Variants in TMEM219 observed in about 807,000 individuals in gnomAD.
The protein encoded by TMEM219 is insulin-like growth factor-binding protein 3 receptor.
Under a neutral mutation model 17.9 loss-of-function variants are expected in TMEM219, and 18 were observed. That is an observed-to-expected ratio of 1.01 (90% confidence interval 0.70 to 1.49). The LOEUF is 1.49. TMEM219 is among the 40% of genes most tolerant of loss of function. The pLI, the probability that TMEM219 is intolerant of heterozygous loss-of-function variation, is 0.00. For synonymous variants in TMEM219, 113 were observed against 124.0 expected (o/e 0.91, Z 0.59); for missense variants, 288 against 292.4 (o/e 0.99, Z 0.11).
At chr16:29,963,070 C>T (rs190173389) in intron 1 of TMEM219, 37 bp from the exon 2 acceptor site, 26 of 1,530,216 alleles carry the variant, frequency 1.7e-5, no homozygotes, top group South Asian at 1.6e-4. Context: ...TGCGTAAAAG[C>T]GGTGCTCTTG....
chr16:29,966,822 T>TAATAAAATAA (rs367819793), intron 3 of TMEM219, among the ~76,000 whole-genome samples: 70 of 152,034 alleles, frequency 4.6e-4, no homozygotes, highest in South Asian at 1.0e-3. Context: ...GTCTCAAAAA[T>TAATAAAATAA]AATAAAATAA....
chr16:29,962,520 G>A (rs1337505689), intron 1 of TMEM219, among the ~76,000 whole-genome samples: 1 of 152,152 alleles, frequency 6.6e-6, no homozygotes, highest in East Asian at 1.9e-4. Flanking sequence ...TTCCCTCACA[G>A]TATTTTTTGC....
intron 5 of TMEM219, among the ~76,000 whole-genome samples, chr16:29,972,494 A>G (rs1310255660): frequency 6.6e-6 from 1 of 152,194 alleles, no homozygotes; most frequent in Non-Finnish European, 1.5e-5. Context: ...ATTTCTGCAA[A>G]AAATCTTCAC....
chr16:29,962,983 G>A (rs2069164308), intron 1 of TMEM219, 124 bp from the exon 2 acceptor site: 1 of 788,644 alleles, frequency 1.3e-6, no homozygotes, highest in Admixed American at 2.3e-5. Flanking sequence ...CGGGAACCTT[G>A]GATTCTTGTT....
In TMEM219 at chr16:29,967,554, T is replaced by A. The variant is rs1451815967; in HGVS notation, c.356-471T>A. On this transcript the variant is annotated intron_variant, in intron 3 of 5. Transcript: ENST00000279396. The stretch of plus-strand genomic sequence containing the variant: ...TGAGCCTAGGAGGTTGAGGCTCCCG[T>A]GAGCTGGGATCGTGCCACTGCACTC... Among the ~76,000 whole-genome samples, 2 of 152,136 alleles carry A rather than the reference T, an allele frequency of 1.3e-5. 1 individual carries two copies. Among genetic ancestry groups the A allele is most frequent in the Admixed American group, 1.3e-4 (2 of 15,268 alleles).
chr16:29,971,676 C>T, intron 5 of TMEM219, 98 bp downstream of exon 5: 1 of 1,243,190 alleles, frequency 8.0e-7, no homozygotes, highest in Non-Finnish European at 1.1e-6. Flanking sequence ...TCCTCAAAGA[C>T]TGCTGCTTCT....
rs1438359704 is a variant in TMEM219 at position 29,968,186 on chromosome 16, A to G, written c.517A>G (p.Arg173Gly). 2 of 1,614,088 alleles carry G rather than the reference A, an allele frequency of 1.2e-6. No homozygotes were observed. The highest frequency in any genetic ancestry group is 8.5e-7 in the Non-Finnish European group (1 of 1,180,034). Residue 173 changes from arginine (R) to glycine (G), a missense_variant, in exon 4 of 6, where the codon AGA becomes GGA. Coordinates refer to ENST00000279396, the MANE Select transcript of TMEM219 (RefSeq NM_001083613.2). ...EGAGNATLSP[R>G]MGEECVSVWS... The stretch of plus-strand genomic sequence containing the variant: ...GGCTGGAAATGCCACCCTGAGCCCT[A>G]GAATGGGTGAGGAATGTGTTAGTGT...
intron 3 of TMEM219, among the ~76,000 whole-genome samples, chr16:29,965,911 ATTTT>A (rs2069207162): frequency 1.3e-5 from 2 of 152,010 alleles, no homozygotes; most frequent in Non-Finnish European, 1.5e-5. Flanking sequence ...TAATTTTTGT[ATTTT>A]TAGTAGAGAT....
At chr16:29,972,347 A>G (rs2069307270) in intron 5 of TMEM219, among the ~76,000 whole-genome samples, 1 of 152,218 alleles carries the variant, frequency 6.6e-6, no homozygotes, top group African/African-American at 2.4e-5. Flanking sequence ...TCTGTCTTCC[A>G]TTTAGTCATC....
At chr16:29,968,468 A>G (rs1386736853) in intron 4 of TMEM219, 2 of 522,782 alleles carry the variant, frequency 3.8e-6, no homozygotes, top group African/African-American at 1.9e-5. Flanking sequence ...TCTTAATTCC[A>G]TCAAATAAGG....
intron 4 of TMEM219, among the ~76,000 whole-genome samples, chr16:29,969,841 A>G (rs2069260864): frequency 6.6e-6 from 1 of 152,128 alleles, no homozygotes; most frequent in Non-Finnish European, 1.5e-5. Flanking sequence ...GGGGCCACTG[A>G]GGAGTTTTAA....
At chr16:29,964,716 G>C (rs2069191397) in intron 3 of TMEM219, among the ~76,000 whole-genome samples, 1 of 151,188 alleles carries the variant, frequency 6.6e-6, no homozygotes, top group Non-Finnish European at 1.5e-5. Context: ...AGATCACAGA[G>C]GACTGTGGGG....
Position 29,963,502 on chromosome 16 carries a change from A to T in TMEM219, c.268A>T (p.Thr90Ser). 1 of 1,614,182 alleles carries T rather than the reference A, an allele frequency of 6.2e-7. No individual in the cohort carries two copies. Among genetic ancestry groups the T allele is most frequent in the Non-Finnish European group, 8.5e-7 (1 of 1,180,020 alleles). ...WRGSHVVGLL[T>S]TLNFGDGPDR... ...AGGGTCTCACGTCGTGGGCTTGCTG[A>T]CCACCTTGAACTTCGGAGACGGTCC... Residue 90 changes from threonine to serine, a missense_variant, in exon 3 of 6, where the codon ACC becomes TCC. Thr to Ser is a moderately conservative substitution (Grantham distance 58, BLOSUM62 1). Coordinates refer to ENST00000279396, the MANE Select transcript of TMEM219 (RefSeq NM_001083613.2).
In TMEM219 at chr16:29,963,487, G is replaced by A. The variant is rs1220277073; in HGVS notation, c.253G>A (p.Val85Ile). 10 of 1,614,192 alleles carry A rather than the reference G, an allele frequency of 6.2e-6. No individual in the cohort carries two copies. The highest frequency in any genetic ancestry group is 4.5e-5 in the East Asian group (2 of 44,886). ...TVTGKWRGSH[V>I]VGLLTTLNFG... is the part of the protein sequence containing the mutation. The stretch of plus-strand genomic sequence containing the variant: ...CACAGGGAAGTGGCGAGGGTCTCAC[G>A]TCGTGGGCTTGCTGACCACCTTGAA... The change falls in exon 3 of 6, where the codon GTC becomes ATC. Residue 85 changes from valine to isoleucine, a missense_variant. Transcript: ENST00000279396.
At chr16:29,967,750 A>G (rs1036231966) in intron 3 of TMEM219, among the ~76,000 whole-genome samples, 5 of 152,076 alleles carry the variant, frequency 3.3e-5, no homozygotes, top group Admixed American at 2.6e-4. Context: ...CCACAGTGAA[A>G]CCCCGTCTCT....
chr16:29,968,291 C>T (rs763524071), intron 4 of TMEM219, 37 bp downstream of exon 4: 1 of 1,542,610 alleles, frequency 6.5e-7, no homozygotes. Context: ...GTTTTGTAGA[C>T]TGCCTGCTGA....
intron 3 of TMEM219, among the ~76,000 whole-genome samples, chr16:29,967,335 G>A (rs1042118930): frequency 1.3e-5 from 2 of 152,158 alleles, no homozygotes; most frequent in African/African-American, 4.8e-5. Flanking sequence ...AGGGGCAGGC[G>A]TGGTGGTTCA....
chr16:29,967,873 G>A lies in TMEM219; in HGVS notation c.356-152G>A, dbSNP rs2069232681. 5.8e-5 allele frequency: 35 copies of A among 601,484 alleles called. No homozygotes were observed. In the South Asian group the frequency reaches 6.8e-4, roughly 12 times the overall value. 37.3% of individuals were successfully genotyped at this position (601,484 alleles called of 1,614,324 possible). A position where few individuals can be genotyped will look rare whatever the true frequency, so the allele number is the denominator to read the frequency against. ...ACCCGGGAGGCGGAGCTTGCAGTGA[G>A]CCGAGATTGCGCCACTGCACTCCAG... On this transcript the variant is annotated intron_variant, in intron 3 of 5. Transcript: ENST00000279396.
In TMEM219 at chr16:29,971,532, G is replaced by C. The variant is rs766102931; in HGVS notation, c.710G>C (p.Arg237Thr). The C allele has an allele frequency of 6.2e-7, 1 of 1,612,344 alleles. No individual in the cohort carries two copies. The highest frequency in any genetic ancestry group is 8.5e-7 in the Non-Finnish European group (1 of 1,179,474). The change falls in exon 5 of 6, where the codon AGA becomes ACA. Residue 237 changes from arginine (R) to threonine (T), a missense_variant. By Grantham distance (71) the Arg-to-Thr change is moderately conservative. Coordinates refer to ENST00000279396, the MANE Select transcript of TMEM219 (RefSeq NM_001083613.2). ...CCGCGCCGGGAGTCCCACTGGTCTA[G>C]AACCCGGCTCTGAGGGCACTGGCCT... ...FHPRRESHWS[R>T]TRL
Sources: allele counts gnomAD v4.1 joint callset (sites outside exome capture counted in the v4.1 genomes callset), GRCh38; gene constraint gnomAD v4.1.1; transcripts MANE v1.5; gene names NCBI Gene and HGNC (gene_info 2026-07-23, HGNC 2026-07-21).